The following NAV2 variants were observed in gnomAD, a reference collection of about 807,000 sequenced individuals.
The protein encoded by NAV2 is neuron navigator 2.
A neutral mutation model predicts 223.2 loss-of-function variants in NAV2; 54 were observed. That is an observed-to-expected ratio of 0.24 (90% CI 0.19 to 0.30). The LOEUF is 0.30. Ranked by LOEUF, NAV2 falls within the 10% of genes least tolerant of loss-of-function variation. The pLI is 1.00. For missense variants in NAV2, 2,806 were observed against 3,147.5 expected, an observed-to-expected ratio of 0.89 and a Z score of 2.60; for synonymous variants, 1,279 against 1,239.3, an observed-to-expected ratio of 1.03 and a Z score of -0.67.
intron 1 of NAV2, among the ~76,000 whole-genome samples, chr11:19,792,500 C>T (rs1408843281): frequency 4.6e-5 from 7 of 152,208 alleles, no homozygotes; most frequent in East Asian, 1.9e-4. Flanking sequence ...ATGCACCTCA[C>T]GCTTCCAGAG....
intron 1 of NAV2, among the ~76,000 whole-genome samples, chr11:19,593,734 C>T (rs7934959): frequency 0.32 from 42,433 of 134,226 alleles, 10,303 homozygotes; most frequent in African/African-American, 0.67. Flanking sequence ...ATTTTATCTG[C>T]TCTAAAAGGT....
chr11:20,069,742 G>A (rs139459063), intron 22 of NAV2, among the ~76,000 whole-genome samples: 98 of 152,292 alleles, frequency 6.4e-4, no homozygotes, highest in African/African-American at 1.9e-3. Context: ...ACAGCATGTC[G>A]TTAAAATGGA....
intron 6 of NAV2, among the ~76,000 whole-genome samples, chr11:19,902,740 T>C (rs2042553202): frequency 6.6e-6 from 1 of 152,236 alleles, no homozygotes; most frequent in Non-Finnish European, 1.5e-5. Context: ...GTCATTTTTA[T>C]CAAGCTCTCA....
At chr11:19,357,006 C>T (rs1853659164) in intron 1 of NAV2, among the ~76,000 whole-genome samples, 1 of 152,188 alleles carries the variant, frequency 6.6e-6, no homozygotes, top group South Asian at 2.1e-4. Context: ...GTAAATTGCA[C>T]AAGGATAGCT....
intron 1 of NAV2, among the ~76,000 whole-genome samples, chr11:19,578,205 C>T (rs1201803761): frequency 6.6e-6 from 1 of 152,236 alleles, no homozygotes. Flanking sequence ...TCCGGCTCTG[C>T]CTGCGAGCTG....
intron 1 of NAV2, among the ~76,000 whole-genome samples, chr11:19,569,973 C>T (rs1278343300): frequency 6.6e-6 from 1 of 152,226 alleles, no homozygotes; most frequent in African/African-American, 2.4e-5. Flanking sequence ...GGCTGTCTCA[C>T]CTGAGCCTTC....
intron 12 of NAV2, among the ~76,000 whole-genome samples, chr11:20,041,654 T>G (rs1467746501): frequency 2.0e-5 from 3 of 152,242 alleles, no homozygotes; most frequent in Admixed American, 6.5e-5. Context: ...TGATTTATAC[T>G]TGTTCATTGC....
intron 4 of NAV2, 94 bp from the exon 5 acceptor site, chr11:19,879,774 TC>T: frequency 7.0e-7 from 1 of 1,425,410 alleles, no homozygotes; most frequent in African/African-American, 1.4e-5. Context: ...GCCTGTCATA[TC>T]CTAAAGAAAT....
intron 6 of NAV2, among the ~76,000 whole-genome samples, chr11:19,894,185 G>C (rs1326490695): frequency 2.6e-5 from 4 of 152,184 alleles, no homozygotes; most frequent in Admixed American, 2.6e-4. Flanking sequence ...TTAAGTACTT[G>C]CTGAAGTCAT....
At chr11:19,972,710 C>G (rs1170535332) in intron 10 of NAV2, among the ~76,000 whole-genome samples, 1 of 152,172 alleles carries the variant, frequency 6.6e-6, no homozygotes. Flanking sequence ...CTTTTCTGGC[C>G]TCTCTGTGCT....
intron 5 of NAV2, among the ~76,000 whole-genome samples, chr11:19,888,490 C>T (rs1171885639): frequency 6.6e-6 from 1 of 152,180 alleles, no homozygotes; most frequent in African/African-American, 2.4e-5. Flanking sequence ...AAGGATGTTA[C>T]CAATAATGAA....
At chr11:19,809,418 G>A (rs2058743107) in intron 1 of NAV2, among the ~76,000 whole-genome samples, 1 of 152,258 alleles carries the variant, frequency 6.6e-6, no homozygotes, top group Admixed American at 6.5e-5. Context: ...ATGGAGCTTT[G>A]TAATTGTTCT....
chr11:19,695,113 A>G (rs545192966), intron 1 of NAV2, among the ~76,000 whole-genome samples: 16 of 152,216 alleles, frequency 1.1e-4, no homozygotes, highest in Non-Finnish European at 2.1e-4. Flanking sequence ...TGATTAGGGG[A>G]TCACCTCCCA....
At chr11:19,602,674 G>A (rs2046379024) in intron 1 of NAV2, among the ~76,000 whole-genome samples, 1 of 152,108 alleles carries the variant, frequency 6.6e-6, no homozygotes, top group Non-Finnish European at 1.5e-5. Context: ...GCCTCTTCCA[G>A]CTCTGGTGGC....
chr11:19,729,268 A>G (rs2051526005), intron 1 of NAV2, among the ~76,000 whole-genome samples: 1 of 152,168 alleles, frequency 6.6e-6, no homozygotes, highest in Non-Finnish European at 1.5e-5. Context: ...CTGAGGTTTG[A>G]ATGCATGCAA....
chr11:19,930,233 C>G (rs924375355), intron 6 of NAV2, among the ~76,000 whole-genome samples: 1 of 152,088 alleles, frequency 6.6e-6, no homozygotes, highest in African/African-American at 2.4e-5. Context: ...GCCATTTCAC[C>G]AAGACAAGCC....
chr11:19,820,096 C>T (rs1011131524), intron 1 of NAV2, among the ~76,000 whole-genome samples: 2 of 152,242 alleles, frequency 1.3e-5, no homozygotes, highest in African/African-American at 4.8e-5. Context: ...GAAGTTTGAA[C>T]AACTGGATGG....
intron 19 of NAV2, 26 bp downstream of exon 19, chr11:20,055,983 G>A: frequency 3.1e-6 from 5 of 1,599,634 alleles, no homozygotes; most frequent in Non-Finnish European, 4.3e-6. Context: ...AAGAAGGTAA[G>A]GAAGGAAACT....
At chr11:20,034,530 C>G (rs993933227) in intron 11 of NAV2, among the ~76,000 whole-genome samples, 12 of 152,068 alleles carry the variant, frequency 7.9e-5, no homozygotes, top group Admixed American at 6.5e-4. Flanking sequence ...TAGGCATGTG[C>G]CACCACCCCC....
Sources: allele counts gnomAD v4.1 joint callset (sites outside exome capture counted in the v4.1 genomes callset), GRCh38; gene constraint gnomAD v4.1.1; transcripts MANE v1.5; gene names NCBI Gene and HGNC (gene_info 2026-07-23, HGNC 2026-07-21).